The following PDZRN4 variants were observed in gnomAD, a reference collection of about 807,000 sequenced individuals.
PDZRN4 encodes the protein PDZ domain-containing RING finger protein 4.
In PDZRN4, 70 loss-of-function variants were observed where a neutral mutation model predicts 99.0. The observed-to-expected ratio is 0.71, with a 90% CI of 0.58 to 0.86. The LOEUF (loss-of-function observed/expected upper bound fraction) is 0.86, where lower values mean the gene tolerates loss of function less well. Ranked by LOEUF, PDZRN4 falls within the 40% of genes least tolerant of loss-of-function variation. The pLI is 0.00. For missense variants in PDZRN4, 1,474 were observed against 1,331.2 expected (o/e 1.11, Z -1.67); for synonymous variants, 551 against 501.6 (o/e 1.10, Z -1.32).
intron 3 of PDZRN4, among the ~76,000 whole-genome samples, chr12:41,407,443 C>G (rs1952358132): frequency 6.6e-6 from 1 of 152,112 alleles, no homozygotes; most frequent in Admixed American, 6.5e-5. Context: ...TGGGAAAATA[C>G]TTGTAGGACC....
At position 41,194,140 on chromosome 12, in the gene PDZRN4, A is replaced by G. The variant is rs185512118; in HGVS notation, c.795A>G (p.Gly265=). 112 of 1,572,808 alleles carry G rather than the reference A, an allele frequency of 7.1e-5. 1 individual carries two copies. The highest frequency in any genetic ancestry group is 7.1e-4 in the African/African-American group (53 of 74,518). Residue 265 remains glycine (G), a synonymous_variant, in exon 3 of 10, where the codon GGA becomes GGG. Transcript: ENST00000402685. Reference sequence around the variant, plus strand: ...ACGTTTCAAAAATTTTAGAAAATGGACCTGCTGACAGAGCAGATGGCCTGG... The same window carrying G: ...ACGTTTCAAAAATTTTAGAAAATGGGCCTGCTGACAGAGCAGATGGCCTGG... The part of the protein sequence containing the change: ...GIYVSKILEN[G]PADRADGLEI...
intron 3 of PDZRN4, among the ~76,000 whole-genome samples, chr12:41,313,986 A>T (rs1053564687): frequency 1.3e-5 from 2 of 152,178 alleles, no homozygotes; most frequent in Non-Finnish European, 2.9e-5. Context: ...TCAGAAGATA[A>T]ATGTTTATTC....
At chr12:41,326,150 A>ATTTTTGCAC (rs112225105) in intron 3 of PDZRN4, among the ~76,000 whole-genome samples, 1 of 149,546 alleles carries the variant, frequency 6.7e-6, no homozygotes, top group Non-Finnish European at 1.5e-5. Context: ...CACTCGGCTA[A>ATTTTTGCAC]TTTTTTTTTT....
chr12:41,551,966 C>T (rs1020773873), intron 5 of PDZRN4, among the ~76,000 whole-genome samples: 2 of 152,116 alleles, frequency 1.3e-5, no homozygotes, highest in African/African-American at 4.8e-5. Context: ...ACATTTCAAG[C>T]CCTTAGCCAT....
At chr12:41,235,219 A>G (rs1951057878) in intron 3 of PDZRN4, among the ~76,000 whole-genome samples, 1 of 152,130 alleles carries the variant, frequency 6.6e-6, no homozygotes, top group Non-Finnish European at 1.5e-5. Flanking sequence ...TGAACTCTTC[A>G]TCTTGATAGC....
chr12:41,188,438 T>G lies in PDZRN4; in HGVS notation c.-18T>G. 3 of 1,558,890 alleles carry G rather than the reference T, an allele frequency of 1.9e-6. No homozygotes were observed. The East Asian group carries it at 7.1e-5, about 37-fold the overall frequency. ...GACGGACTCTGCTTTCGCTCCCCCT[T>G]TCTTCCCCATCCCTAACATGGGCTT... On this transcript the variant is annotated 5_prime_UTR_variant, in exon 1 of 10. Transcript: ENST00000402685.
intron 3 of PDZRN4, among the ~76,000 whole-genome samples, chr12:41,200,295 G>C (rs1323290940): frequency 6.6e-6 from 1 of 152,124 alleles, no homozygotes; most frequent in African/African-American, 2.4e-5. Context: ...TTTCTCTCCT[G>C]TAAGTATAAG....
intron 3 of PDZRN4, among the ~76,000 whole-genome samples, chr12:41,418,036 T>C (rs564473890): frequency 6.6e-6 from 1 of 152,228 alleles, no homozygotes; most frequent in Non-Finnish European, 1.5e-5. Flanking sequence ...CAGGTTTGTA[T>C]ATTTTTATAA....
At chr12:41,351,110 A>G (rs765925500) in intron 3 of PDZRN4, among the ~76,000 whole-genome samples, 1 of 152,276 alleles carries the variant, frequency 6.6e-6, no homozygotes, top group African/African-American at 2.4e-5. Context: ...CCAAAAGTCA[A>G]TGAAATATAT....
At chr12:41,495,285 A>G (rs1937975838) in intron 3 of PDZRN4, among the ~76,000 whole-genome samples, 1 of 152,020 alleles carries the variant, frequency 6.6e-6, no homozygotes, top group African/African-American at 2.4e-5. Flanking sequence ...TTCTAAAATA[A>G]CCTCTGAAAA....
intron 5 of PDZRN4, among the ~76,000 whole-genome samples, chr12:41,516,839 T>C (rs1473555603): frequency 2.0e-5 from 3 of 151,984 alleles, no homozygotes; most frequent in Admixed American, 6.6e-5. Context: ...TTTATACTTA[T>C]TGAACTTTAG....
chr12:41,461,074 C>CT (rs969232750), intron 3 of PDZRN4, among the ~76,000 whole-genome samples: 4 of 152,244 alleles, frequency 2.6e-5, no homozygotes, highest in Non-Finnish European at 5.9e-5. Context: ...TTCCCTGGGC[C>CT]TTGGGCTTTA....
chr12:41,194,112 T>C lies in PDZRN4; in HGVS notation c.767T>C (p.Ile256Thr). ...NNQEGTSTEG[I>T]YVSKILENGP... ...CAGGAAGGAACATCGACTGAAGGAA[T>C]TTACGTTTCAAAAATTTTAGAAAAT... The change falls in exon 3 of 10, where the codon ATT becomes ACT. Residue 256 changes from isoleucine to threonine, a missense_variant. Physicochemically the swap from Ile to Thr is moderately conservative, Grantham distance 89 (BLOSUM62 -1). Coordinates refer to ENST00000402685, the MANE Select transcript of PDZRN4 (RefSeq NM_001164595.2). 1 of 1,555,210 alleles carries C rather than the reference T, an allele frequency of 6.4e-7. No homozygotes were observed. Among genetic ancestry groups the C allele is most frequent in the Non-Finnish European group, 8.8e-7 (1 of 1,139,530 alleles).
chr12:41,561,061 A>G (rs925737170), intron 7 of PDZRN4, among the ~76,000 whole-genome samples: 2 of 152,204 alleles, frequency 1.3e-5, no homozygotes, highest in African/African-American at 2.4e-5. Flanking sequence ...TGCCAGGACC[A>G]GAGACCATAG....
chr12:41,522,823 A>G (rs1045217462), intron 5 of PDZRN4, among the ~76,000 whole-genome samples: 2 of 152,134 alleles, frequency 1.3e-5, no homozygotes, highest in African/African-American at 4.8e-5. Flanking sequence ...CAATCATGTG[A>G]AAAGGATTCT....
In PDZRN4 at chr12:41,574,548, A is replaced by C. The variant is rs1173587451; in HGVS notation, c.*658A>C. 6.5e-6 allele frequency: 1 copy of C among 152,680 alleles called. No homozygotes were observed. Among genetic ancestry groups the C allele is most frequent in the African/African-American group, 2.4e-5 (1 of 41,468 alleles). The allele number at this position is 152,680 out of a possible 1,614,324, so 9.5% of individuals were successfully genotyped here. On this transcript the variant is annotated 3_prime_UTR_variant, in exon 10 of 10. Transcript: ENST00000402685. ...GCTAGATAATTATGGTAATTGTGAC[A>C]ATTAAAGAGAAATAAATTATTGATT...
At chr12:41,497,493 C>G (rs1189544452) in intron 3 of PDZRN4, among the ~76,000 whole-genome samples, 1 of 152,016 alleles carries the variant, frequency 6.6e-6, no homozygotes, top group Non-Finnish European at 1.5e-5. Flanking sequence ...TTTAGTATTA[C>G]GTTAGGAAGT....
At chr12:41,563,310 T>C (rs80017348) in intron 7 of PDZRN4, among the ~76,000 whole-genome samples, 1 of 152,158 alleles carries the variant, frequency 6.6e-6, no homozygotes, top group Non-Finnish European at 1.5e-5. Context: ...AGGGCGCAGG[T>C]TGGACATTTA....
At chr12:41,531,698 T>C (rs1232967421) in intron 5 of PDZRN4, among the ~76,000 whole-genome samples, 1 of 152,230 alleles carries the variant, frequency 6.6e-6, no homozygotes, top group Non-Finnish European at 1.5e-5. Flanking sequence ...GGGACCATGC[T>C]GTTTTCTACA....
Sources: gnomAD v4.1 joint callset for allele counts (sites outside exome capture counted in the v4.1 genomes callset) on GRCh38, gnomAD v4.1.1 for gene constraint, MANE v1.5 for transcripts, NCBI Gene and HGNC (gene_info 2026-07-23, HGNC 2026-07-21) for gene names.